The following SEL1L variants were observed in gnomAD, a reference collection of about 807,000 sequenced individuals.
The protein encoded by SEL1L is protein sel-1 homolog 1.
In SEL1L, 52 loss-of-function variants were observed where a neutral mutation model predicts 109.8. The observed-to-expected ratio is 0.47, with a 90% CI of 0.38 to 0.60. The LOEUF (loss-of-function observed/expected upper bound fraction) is 0.60. Ranked by LOEUF, SEL1L falls within the 20% of genes least tolerant of loss-of-function variation. The probability of loss-of-function intolerance (pLI) is 0.00; values close to 1 mark genes in which losing one functional copy is unlikely to be tolerated. For missense variants in SEL1L, 749 were observed against 962.2 expected, an observed-to-expected ratio of 0.78 and a Z score of 2.93; for synonymous variants, 373 against 339.6, an observed-to-expected ratio of 1.10 and a Z score of -1.08.
chr14:81,504,447 A>C (rs1296000500), intron 4 of SEL1L, 141 bp from the exon 5 acceptor site: 1 of 486,860 alleles, frequency 2.1e-6, no homozygotes, highest in African/African-American at 2.0e-5. Context: ...AAAACACTTA[A>C]GTGTGGCCTT....
chr14:81,513,117 C>A (rs147267006), intron 3 of SEL1L, among the ~76,000 whole-genome samples: 1 of 152,146 alleles, frequency 6.6e-6, no homozygotes, highest in African/African-American at 2.4e-5. Context: ...TAAGAACGCA[C>A]CAATCAGTGC....
intron 5 of SEL1L, among the ~76,000 whole-genome samples, chr14:81,503,634 G>A (rs1769431503): frequency 6.6e-6 from 1 of 151,970 alleles, no homozygotes; most frequent in South Asian, 2.1e-4. Context: ...TATACTAACA[G>A]TAATTTTAAA....
chr14:81,533,414 C>T (rs1885410737), intron 1 of SEL1L, among the ~76,000 whole-genome samples: 1 of 152,212 alleles, frequency 6.6e-6, no homozygotes, highest in South Asian at 2.1e-4. Flanking sequence ...ATTCCGCGTT[C>T]GTGAGAAGAG....
chr14:81,501,826 T>C (rs933328967), intron 6 of SEL1L, among the ~76,000 whole-genome samples: 1 of 152,136 alleles, frequency 6.6e-6, no homozygotes, highest in Non-Finnish European at 1.5e-5. Context: ...TAATGTAGTC[T>C]AGCCAAAAAT....
chr14:81,506,067 T>C lies in SEL1L; in HGVS notation c.508+7A>G, dbSNP rs752805507. On this transcript the variant is annotated splice_region_variant and intron_variant, in intron 4 of 20. Coordinates refer to ENST00000336735, the MANE Select transcript of SEL1L (RefSeq NM_005065.6). The stretch of plus-strand genomic sequence containing the variant: ...TGCAGATCTGCCTCCTACTGAGCAA[T>C]ACTTACTTTCACAAAAGCCCCACTT... The C allele has an allele frequency of 1.6e-5, 26 of 1,613,114 alleles. No individual in the cohort carries two copies. The highest frequency in any genetic ancestry group is 4.0e-5 in the African/African-American group (3 of 74,880).
At chr14:81,503,269 G>A (rs772702715) in intron 5 of SEL1L, among the ~76,000 whole-genome samples, 5 of 152,156 alleles carry the variant, frequency 3.3e-5, no homozygotes, top group Non-Finnish European at 7.4e-5. Context: ...GAGCCACCAC[G>A]CCTAGCCACC....
At chr14:81,489,337 A>C in intron 13 of SEL1L, 23 bp from the exon 14 acceptor site, 1 of 1,591,810 alleles carries the variant, frequency 6.3e-7, no homozygotes, top group Non-Finnish European at 8.6e-7. Flanking sequence ...GAAATCAGAC[A>C]AAAGAGTGAA....
At chr14:81,501,164 C>T (rs1883990298) in intron 6 of SEL1L, among the ~76,000 whole-genome samples, 1 of 152,182 alleles carries the variant, frequency 6.6e-6, no homozygotes, top group Admixed American at 6.5e-5. Context: ...ATAGAAACAG[C>T]CCATGACCAG....
chr14:81,487,561 A>G lies in SEL1L; in HGVS notation c.1484-23T>C, dbSNP rs1041528079. ...CATCTGTAAGAAAAAAAAAAATCAC[A>G]CGAGATAATAGACTTAAGATTTAGC... On this transcript the variant is annotated intron_variant, in intron 15 of 20. Coordinates refer to ENST00000336735, the MANE Select transcript of SEL1L (RefSeq NM_005065.6). 7 of 1,590,698 alleles carry G rather than the reference A, an allele frequency of 4.4e-6. No homozygotes were observed. The Admixed American group carries it at 1.1e-4, about 26-fold the overall frequency.
Position 81,526,771 on chromosome 14 carries a change from T to C in SEL1L, c.302A>G (p.Asn101Ser). Residue 101 changes from asparagine to serine, a missense_variant, in exon 3 of 21, where the codon AAC becomes AGC. Coordinates refer to ENST00000336735, the MANE Select transcript of SEL1L (RefSeq NM_005065.6). ...ISFLESPNPENKDYEEPKKVR... is the reference protein window; with the variant it reads ...ISFLESPNPESKDYEEPKKVR... ...TTTCTTTGGCTCTTCATAGTCCTTGTTTTCTGGATTTGGAGACTCTAGAAA... is the reference window on the plus strand; with the variant it reads ...TTTCTTTGGCTCTTCATAGTCCTTGCTTTCTGGATTTGGAGACTCTAGAAA... 1 of 1,609,352 alleles carries C rather than the reference T, an allele frequency of 6.2e-7. No homozygotes were observed. The highest frequency in any genetic ancestry group is 8.5e-7 in the Non-Finnish European group (1 of 1,178,774).
In SEL1L at chr14:81,474,271, T is replaced by C. The variant is rs1903094616; in HGVS notation, c.*2701A>G. The C allele has an allele frequency of 6.8e-6, 1 of 146,226 alleles. No homozygotes were observed. Among genetic ancestry groups the C allele is most frequent in the Admixed American group, 6.8e-5 (1 of 14,670 alleles). The allele number at this position is 146,226 out of a possible 1,614,324, so 9.1% of individuals were successfully genotyped here. On this transcript the variant is annotated 3_prime_UTR_variant, in exon 21 of 21. Coordinates refer to ENST00000336735, the MANE Select transcript of SEL1L (RefSeq NM_005065.6). ...AAAAAAAAAAAAAACCCACCAATGC[T>C]ACCTCTGTAAAATAAAACTAGAAGC... is the stretch of plus-strand genomic sequence containing the variant.
intron 3 of SEL1L, among the ~76,000 whole-genome samples, chr14:81,506,828 T>C (rs1391192130): frequency 6.6e-6 from 1 of 152,226 alleles, no homozygotes; most frequent in Non-Finnish European, 1.5e-5. Flanking sequence ...AAATTATTTA[T>C]GAGTATCTCT....
chr14:81,472,164 A>T lies in SEL1L; in HGVS notation c.*4808T>A, dbSNP rs1903030527. 6.5e-6 allele frequency: 1 copy of T among 154,588 alleles called. No homozygotes were observed. The highest frequency in any genetic ancestry group is 6.4e-5 in the Admixed American group (1 of 15,580). The allele number at this position is 154,588 out of a possible 1,614,324, so 9.6% of individuals were successfully genotyped here. ...TCTAATGACTTGCCAGAAAGAGGCT[A>T]AGTGGTGAACAGGCAGGCATTGCCC... is the stretch of plus-strand genomic sequence containing the variant. On this transcript the variant is annotated 3_prime_UTR_variant, in exon 21 of 21. Transcript: ENST00000336735.
chr14:81,513,084 T>C (rs1029446054), intron 3 of SEL1L, among the ~76,000 whole-genome samples: 6 of 152,234 alleles, frequency 3.9e-5, no homozygotes, highest in African/African-American at 1.4e-4. Flanking sequence ...TGAAAGTTTG[T>C]ACATGCACCA....
In SEL1L at chr14:81,489,861, G is replaced by T. The variant is rs193116289; in HGVS notation, c.1332+527C>A. Among the ~76,000 whole-genome samples the T allele has an allele frequency of 2.1e-3, 319 of 152,214 alleles. 2 individuals are homozygous for T. The highest frequency in any genetic ancestry group is 6.8e-3 in the Middle Eastern group (2 of 292). On this transcript the variant is annotated intron_variant, in intron 13 of 20. Coordinates refer to ENST00000336735, the MANE Select transcript of SEL1L (RefSeq NM_005065.6). ...GAATTTGCCTAAACTCAGAGGGACAGAAGACATCTTTAAAAAGATTGTCAT... is the reference window on the plus strand; with the variant it reads ...GAATTTGCCTAAACTCAGAGGGACATAAGACATCTTTAAAAAGATTGTCAT...
intron 11 of SEL1L, among the ~76,000 whole-genome samples, chr14:81,493,296 G>A (rs1020943428): frequency 2.6e-5 from 4 of 152,096 alleles, no homozygotes; most frequent in Non-Finnish European, 5.9e-5. Flanking sequence ...AATCACTTGA[G>A]GTCAGGAGTT....
intron 20 of SEL1L, among the ~76,000 whole-genome samples, chr14:81,478,618 G>A (rs2139979021): frequency 6.6e-6 from 1 of 152,328 alleles, no homozygotes; most frequent in South Asian, 2.1e-4. Flanking sequence ...AGCGGTTACA[G>A]CACACCTGAC....
chr14:81,522,913 A>T (rs1884976926), intron 3 of SEL1L, among the ~76,000 whole-genome samples: 1 of 152,226 alleles, frequency 6.6e-6, no homozygotes, highest in Non-Finnish European at 1.5e-5. Flanking sequence ...CATGTTCAGT[A>T]CAGTTGCAAC....
chr14:81,504,046 C>T (rs901646960), intron 5 of SEL1L, among the ~76,000 whole-genome samples, 155 bp downstream of exon 5: 1 of 152,074 alleles, frequency 6.6e-6, no homozygotes, highest in Middle Eastern at 3.2e-3. Context: ...AAAAGCAATG[C>T]TACTAATGCC....
Sources: allele counts gnomAD v4.1 joint callset (sites outside exome capture counted in the v4.1 genomes callset), GRCh38; gene constraint gnomAD v4.1.1; transcripts MANE v1.5; gene names NCBI Gene and HGNC (gene_info 2026-07-23, HGNC 2026-07-21).